Variants in KCNK2 observed in about 807,000 individuals in gnomAD.
KCNK2 encodes potassium two pore domain channel subfamily K member 2.
In KCNK2, 21 loss-of-function variants were observed where a neutral mutation model predicts 40.5. That is an observed-to-expected ratio of 0.52 (90% CI 0.37 to 0.75). The LOEUF (loss-of-function observed/expected upper bound fraction) is 0.75, where lower values mean the gene tolerates loss of function less well. KCNK2 is among the 30% of genes least tolerant of loss of function. The pLI, the probability that KCNK2 is intolerant of heterozygous loss-of-function variation, is 0.00. For synonymous variants in KCNK2, 191 were observed against 202.2 expected, an observed-to-expected ratio of 0.94 and a Z score of 0.47; for missense variants, 399 against 531.6, an observed-to-expected ratio of 0.75 and a Z score of 2.45.
intron 1 of KCNK2, among the ~76,000 whole-genome samples, chr1:215,037,424 G>T (rs554124708): frequency 6.6e-6 from 1 of 151,898 alleles, no homozygotes; most frequent in African/African-American, 2.4e-5. Flanking sequence ...TTCTGGGTTT[G>T]AGATATTAAT....
intron 2 of KCNK2, among the ~76,000 whole-genome samples, chr1:215,100,827 TGTAA>T (rs1660176094): frequency 1.3e-5 from 2 of 152,066 alleles, no homozygotes; most frequent in Non-Finnish European, 2.9e-5. Flanking sequence ...CAAAGTTACA[TGTAA>T]TTATTGCTCA....
chr1:215,232,806 GC>G (rs1278354056), intron 6 of KCNK2, among the ~76,000 whole-genome samples: 1 of 152,202 alleles, frequency 6.6e-6, no homozygotes, highest in African/African-American at 2.4e-5. Context: ...GAGGTAAGAG[GC>G]TGGTGGTAAC....
chr1:215,235,284 A>G lies in KCNK2; in HGVS notation c.*139A>G, dbSNP rs925221164. On this transcript the variant is annotated 3_prime_UTR_variant, in exon 7 of 7. Transcript: ENST00000444842. The stretch of plus-strand genomic sequence containing the variant: ...ATAGATACACCCATCATGGTCATCT[A>G]TCATCAAGAGAATTTGGAATTCTGA... The G allele has an allele frequency of 3.1e-6, 2 of 649,906 alleles. No individual in the cohort carries two copies. The highest frequency in any genetic ancestry group is 3.6e-5 in the African/African-American group (2 of 55,168). The allele number at this position is 649,906 out of a possible 1,614,324, so 40.3% of individuals were successfully genotyped here. A position where few individuals can be genotyped will look rare whatever the true frequency, so the allele number is the denominator to read the frequency against.
chr1:215,117,245 AT>A (rs1660986198), intron 2 of KCNK2, among the ~76,000 whole-genome samples: 1 of 152,142 alleles, frequency 6.6e-6, no homozygotes. Flanking sequence ...CTTCTATAAA[AT>A]TTAATTATCT....
intron 6 of KCNK2, among the ~76,000 whole-genome samples, chr1:215,211,607 T>C (rs2102689336): frequency 6.6e-6 from 1 of 152,296 alleles, no homozygotes; most frequent in East Asian, 1.9e-4. Context: ...GCTGTTTTGC[T>C]TTATCAAAAT....
chr1:215,046,725 T>G (rs1657785078), intron 1 of KCNK2, among the ~76,000 whole-genome samples: 1 of 152,100 alleles, frequency 6.6e-6, no homozygotes, highest in Non-Finnish European at 1.5e-5. Context: ...ACTTAAAGAC[T>G]GAGGTAATGG....
chr1:215,109,586 G>A (rs557312273), intron 2 of KCNK2, among the ~76,000 whole-genome samples: 29 of 151,970 alleles, frequency 1.9e-4, no homozygotes, highest in Admixed American at 6.6e-4. Context: ...GTGTGTGTGC[G>A]TGCATGTGTG....
chr1:215,118,422 C>T (rs1318042845), intron 2 of KCNK2, among the ~76,000 whole-genome samples: 1 of 152,154 alleles, frequency 6.6e-6, no homozygotes, highest in African/African-American at 2.4e-5. Flanking sequence ...CCTCATCCCA[C>T]ATTCTTCAAG....
chr1:215,164,588 C>T (rs12062098), intron 3 of KCNK2, among the ~76,000 whole-genome samples: 97,812 of 151,964 alleles, frequency 0.64, 32,868 homozygotes, highest in Non-Finnish European at 0.75. Context: ...CTGCTTTAGC[C>T]GTGTCCCAGA....
intron 3 of KCNK2, among the ~76,000 whole-genome samples, chr1:215,145,534 C>T (rs1385280494): frequency 1.3e-5 from 2 of 152,086 alleles, no homozygotes; most frequent in African/African-American, 4.8e-5. Context: ...CTTATGTCCA[C>T]CAAGATCCAG....
In KCNK2 at chr1:215,172,008, T is replaced by C. The variant is rs375245802; in HGVS notation, c.648T>C (p.Val216=). The change falls in exon 5 of 7, where the codon GTT becomes GTC. Residue 216 remains valine (V), a synonymous_variant. Transcript: ENST00000444842. ...TGTCTCATCCCTAGAAGTGGAATGT[T>C]AGTCAGACCAAGATTCGCATCATCT... ...KVEDTFIKWN[V]SQTKIRIIST... The C allele has an allele frequency of 6.2e-7, 1 of 1,612,030 alleles. No individual in the cohort carries two copies. Among genetic ancestry groups the C allele is most frequent in the East Asian group, 2.2e-5 (1 of 44,824 alleles).
intron 6 of KCNK2, among the ~76,000 whole-genome samples, chr1:215,196,244 C>T (rs773309794): frequency 1.6e-4 from 24 of 151,992 alleles, no homozygotes; most frequent in Non-Finnish European, 3.4e-4. Context: ...CCACCATGCC[C>T]AGCTAAATTT....
chr1:215,208,394 T>A (rs1432034869), intron 6 of KCNK2, among the ~76,000 whole-genome samples: 1 of 152,056 alleles, frequency 6.6e-6, no homozygotes, highest in Non-Finnish European at 1.5e-5. Flanking sequence ...AGGAAGATAA[T>A]TATTGGGTAC....
chr1:215,076,486 T>C (rs928971981), intron 1 of KCNK2, among the ~76,000 whole-genome samples: 2 of 152,148 alleles, frequency 1.3e-5, no homozygotes, highest in Admixed American at 1.3e-4. Flanking sequence ...CTCACTTACA[T>C]GGCTGTTGGA....
intron 5 of KCNK2, among the ~76,000 whole-genome samples, chr1:215,178,563 A>C (rs933157633): frequency 6.6e-6 from 1 of 152,188 alleles, no homozygotes; most frequent in Non-Finnish European, 1.5e-5. Context: ...GATTTTTATC[A>C]GGAAGGGATG....
intron 5 of KCNK2, among the ~76,000 whole-genome samples, chr1:215,190,186 G>C (rs537781282): frequency 6.6e-6 from 1 of 152,174 alleles, no homozygotes; most frequent in South Asian, 2.1e-4. Flanking sequence ...AGGGGATGTT[G>C]TATGCCCAAG....
chr1:215,049,586 G>A (rs1322332604), intron 1 of KCNK2, among the ~76,000 whole-genome samples: 2 of 152,112 alleles, frequency 1.3e-5, no homozygotes, highest in Non-Finnish European at 2.9e-5. Flanking sequence ...AGGTCTTAGA[G>A]CTTTTCTCTT....
chr1:215,150,273 G>T (rs1352342614), intron 3 of KCNK2, among the ~76,000 whole-genome samples: 1 of 152,106 alleles, frequency 6.6e-6, no homozygotes, highest in Non-Finnish European at 1.5e-5. Context: ...ATAATCAGAG[G>T]GGACCAATAG....
chr1:215,175,496 T>G, intron 5 of KCNK2, among the ~76,000 whole-genome samples: 1 of 152,224 alleles, frequency 6.6e-6, no homozygotes, highest in Middle Eastern at 3.4e-3. Flanking sequence ...TTTTCTTAAA[T>G]AATTTCAACT....
Sources: allele counts gnomAD v4.1 joint callset (sites outside exome capture counted in the v4.1 genomes callset), GRCh38; gene constraint gnomAD v4.1.1; transcripts MANE v1.5; gene names NCBI Gene and HGNC (gene_info 2026-07-23, HGNC 2026-07-21).